The following TIMM21 variants were observed in gnomAD, a reference collection of about 807,000 sequenced individuals.
TIMM21 encodes translocase of inner mitochondrial membrane 21.
In TIMM21, 30 loss-of-function variants were observed where a neutral mutation model predicts 27.7. The observed-to-expected ratio is 1.08, with a 90% CI of 0.81 to 1.47. TIMM21 has a LOEUF of 1.47. TIMM21 is among the 40% of genes most tolerant of loss of function. TIMM21 has a pLI of 0.00. For missense variants in TIMM21, 292 were observed against 302.9 expected (o/e 0.96, Z 0.27); for synonymous variants, 121 against 114.4 (o/e 1.06, Z -0.37).
Position 74,151,919 on chromosome 18 carries a change from A to G in TIMM21, c.301+2810A>G, listed in dbSNP as rs890165897. ...GTGCCCTTGACACACCACCCTTAAG[A>G]AGCAGTGGTGTCTATGTTCCCCCCC... is the stretch of plus-strand genomic sequence containing the variant. On this transcript the variant is annotated intron_variant, in intron 1 of 5. Transcript: ENST00000169551. Among the ~76,000 whole-genome samples the G allele has an allele frequency of 5.5e-5, 8 of 144,156 alleles. 1 individual carries two copies. The highest frequency in any genetic ancestry group is 2.1e-4 in the Admixed American group (3 of 14,138). The allele number at this position is 144,156 out of a possible 152,430, so 94.6% of individuals were successfully genotyped here.
rs1979915817 is a variant in TIMM21, at chr18:74,155,157, G to C, written c.314G>C (p.Gly105Ala). The C allele has an allele frequency of 1.2e-6, 2 of 1,614,178 alleles. No individual in the cohort carries two copies. The highest frequency in any genetic ancestry group is 1.7e-6 in the Non-Finnish European group (2 of 1,180,030). ...VPTSQKVKEA[G>A]RDFTYLIVVL... is the part of the protein sequence containing the mutation. ...TTTCTCTTCACAGTGAAAGAAGCCG[G>C]AAGAGATTTTACCTATTTAATAGTG... The change falls in exon 2 of 6, where the codon GGA becomes GCA. Residue 105 changes from glycine to alanine, a missense_variant. Coordinates refer to ENST00000169551, the MANE Select transcript of TIMM21 (RefSeq NM_014177.3).
rs200969509 is a variant in TIMM21 at position 74,155,285 on chromosome 18, C to G, written c.365-21C>G. ...TTATGTTGCCCTTGCTTCGCTTCAT[C>G]TTTGTTTTCTGTGATTTCAGGTGGC... On this transcript the variant is annotated intron_variant, in intron 2 of 5. Transcript: ENST00000169551. 6.2e-6 allele frequency: 10 copies of G among 1,612,668 alleles called. No individual in the cohort carries two copies. The African/African-American group carries it at 1.2e-4, about 19-fold the overall frequency.
Position 74,160,186 on chromosome 18 carries a change from A to G in TIMM21, c.*1706A>G, listed in dbSNP as rs556259986. ...TCAAAAAAAAAAAAATTAACCAGGC[A>G]CGTTGACACACTCCTGTAATCTCAT... is the stretch of plus-strand genomic sequence containing the variant. On this transcript the variant is annotated 3_prime_UTR_variant, in exon 6 of 6. Coordinates refer to ENST00000169551, the MANE Select transcript of TIMM21 (RefSeq NM_014177.3). The G allele has an allele frequency of 3.1e-4, 47 of 152,032 alleles. No homozygotes were observed. Among genetic ancestry groups the G allele is most frequent in the African/African-American group, 1.1e-3 (46 of 41,474 alleles). 9.4% of individuals were successfully genotyped at this position (152,032 alleles called of 1,614,324 possible). A position where few individuals can be genotyped will look rare whatever the true frequency, so the allele number is the denominator to read the frequency against.
Position 74,155,282 on chromosome 18 carries a change from C to G in TIMM21, c.365-24C>G, listed in dbSNP as rs761310400. ...TTTTTATGTTGCCCTTGCTTCGCTT[C>G]ATCTTTGTTTTCTGTGATTTCAGGT... On this transcript the variant is annotated intron_variant, in intron 2 of 5. Transcript: ENST00000169551. 4 of 1,612,272 alleles carry G rather than the reference C, an allele frequency of 2.5e-6. No individual in the cohort carries two copies. The East Asian group carries it at 8.9e-5, about 36-fold the overall frequency.
Position 74,158,477 on chromosome 18 carries a change from T to G in TIMM21, c.744T>G (p.Asp248Glu). The G allele has an allele frequency of 2.1e-6, 3 of 1,401,082 alleles. No individual in the cohort carries two copies. The highest frequency in any genetic ancestry group is 2.9e-6 in the Non-Finnish European group (3 of 1,042,064). The allele number at this position is 1,401,082 out of a possible 1,614,324, so 86.8% of individuals were successfully genotyped here. The change falls in exon 6 of 6, where the codon GAT becomes GAG. Residue 248 changes from aspartate (D) to glutamate (E), a missense_variant. Transcript: ENST00000169551. Reference protein sequence around the residue: ...IIIEDNRSQDD With the variant: ...IIIEDNRSQDE Reference sequence around the variant, plus strand: ...TTGAAGATAATCGATCCCAAGATGATTAAAATAGGGTTTCTGATGGATGTT... The same window carrying G: ...TTGAAGATAATCGATCCCAAGATGAGTAAAATAGGGTTTCTGATGGATGTT...
In TIMM21 at chr18:74,148,539, G is replaced by A; in HGVS notation, c.-270G>A. 1 of 319,748 alleles carries A rather than the reference G, an allele frequency of 3.1e-6. No homozygotes were observed. The highest frequency in any genetic ancestry group is 4.4e-5 in the Admixed American group (1 of 22,566). The allele number at this position is 319,748 out of a possible 1,614,324, so 19.8% of individuals were successfully genotyped here. On this transcript the variant is annotated 5_prime_UTR_variant, in exon 1 of 6. Transcript: ENST00000169551. ...GGGTTTCCCAGGTGACTTTGCGAAG[G>A]CATGGCGGGGACACTGTGAATGTCA...
At chr18:74,153,085 C>T (rs1369385560) in intron 1 of TIMM21, among the ~76,000 whole-genome samples, 1 of 152,222 alleles carries the variant, frequency 6.6e-6, no homozygotes, top group Non-Finnish European at 1.5e-5. Context: ...CCCCATACCA[C>T]AGCACCCACT....
intron 1 of TIMM21, among the ~76,000 whole-genome samples, chr18:74,149,916 C>G (rs1226726469): frequency 6.6e-6 from 1 of 152,178 alleles, no homozygotes; most frequent in Non-Finnish European, 1.5e-5. Flanking sequence ...TCATCTGCAC[C>G]CCATTCAGAC....
rs765776082 is a variant in TIMM21 at position 74,158,158 on chromosome 18, GT to G, written c.537-9del. 3.1e-6 allele frequency: 5 copies of G among 1,613,914 alleles called. No individual in the cohort carries two copies. The highest frequency in any genetic ancestry group is 4.2e-6 in the Non-Finnish European group (5 of 1,179,878). ...TGAAAGGAACTTAGACTGATCTTTC[GT>G]TTTCTCGACAGGTTCACTGAATATG... is the stretch of plus-strand genomic sequence containing the variant. On this transcript the variant is annotated splice_polypyrimidine_tract_variant and intron_variant, in intron 4 of 5. Transcript: ENST00000169551.
chr18:74,155,511 C>CATA, intron 3 of TIMM21, 108 bp downstream of exon 3: 3 of 817,964 alleles, frequency 3.7e-6, no homozygotes, highest in Non-Finnish European at 5.8e-6. Context: ...GTGAAATTCA[C>CATA]ATAATAATAC....
rs545082000 is a variant in TIMM21, at chr18:74,148,612, A to G, written c.-197A>G. The G allele has an allele frequency of 1.9e-6, 1 of 531,560 alleles. No individual in the cohort carries two copies. The highest frequency in any genetic ancestry group is 3.2e-5 in the Admixed American group (1 of 31,538). 32.9% of individuals were successfully genotyped at this position (531,560 alleles called of 1,614,324 possible). A position where few individuals can be genotyped will look rare whatever the true frequency, so the allele number is the denominator to read the frequency against. On this transcript the variant is annotated 5_prime_UTR_variant, in exon 1 of 6. Transcript: ENST00000169551. ...GTTAATTAAAATGGAAAGAAGACAG[A>G]AGGGAAGGTAGACATCAGGTTCTCC...
intron 3 of TIMM21, chr18:74,157,769 T>C (rs1180765524): frequency 6.4e-6 from 3 of 466,116 alleles, no homozygotes; most frequent in Non-Finnish European, 1.1e-5. Flanking sequence ...CTGATTTTTA[T>C]ATTTTTTAGT....
chr18:74,158,103 T>G lies in TIMM21; in HGVS notation c.536+16T>G. 1 of 1,614,080 alleles carries G rather than the reference T, an allele frequency of 6.2e-7. No homozygotes were observed. Among genetic ancestry groups the G allele is most frequent in the Non-Finnish European group, 8.5e-7 (1 of 1,179,964 alleles). On this transcript the variant is annotated intron_variant, in intron 4 of 5. Coordinates refer to ENST00000169551, the MANE Select transcript of TIMM21 (RefSeq NM_014177.3). ...AGCATGTCAGGTACTGTGGCTTGAA[T>G]TCAGAGGAGGCTCTGGGGAGATTTT...
rs373060499 is a variant in TIMM21 at position 74,158,364 on chromosome 18, C to T, written c.643-12C>T. 19 of 1,605,100 alleles carry T rather than the reference C, an allele frequency of 1.2e-5. No homozygotes were observed. Among genetic ancestry groups the T allele is most frequent in the Non-Finnish European group, 1.4e-5 (17 of 1,174,032 alleles). ...AGGAAAATAATACCTGGAAACACTACATTTTTTTCAGAACCCAGGAAGTGG... is the reference window on the plus strand; with the variant it reads ...AGGAAAATAATACCTGGAAACACTATATTTTTTTCAGAACCCAGGAAGTGG... On this transcript the variant is annotated splice_polypyrimidine_tract_variant and intron_variant, in intron 5 of 5. Transcript: ENST00000169551.
rs1482842592 is a variant in TIMM21 at position 74,159,963 on chromosome 18, T to G, written c.*1483T>G. 6.6e-6 allele frequency: 1 copy of G among 152,216 alleles called. No homozygotes were observed. Among genetic ancestry groups the G allele is most frequent in the Admixed American group, 6.5e-5 (1 of 15,282 alleles). 9.4% of individuals were successfully genotyped at this position (152,216 alleles called of 1,614,324 possible). On this transcript the variant is annotated 3_prime_UTR_variant, in exon 6 of 6. Coordinates refer to ENST00000169551, the MANE Select transcript of TIMM21 (RefSeq NM_014177.3). ...CCCTGTCATTTGACTTAAGACTGTT[T>G]GCTTTTTCTGTATTCATTTTTATGC... is the stretch of plus-strand genomic sequence containing the variant.
intron 3 of TIMM21, 48 bp downstream of exon 3, chr18:74,155,451 A>G: frequency 2.0e-6 from 3 of 1,492,674 alleles, no homozygotes; most frequent in Non-Finnish European, 2.7e-6. Flanking sequence ...GGGGGAGAAA[A>G]TGTCTGGGAG....
At chr18:74,156,470 T>C in intron 3 of TIMM21, 1 of 394,342 alleles carries the variant, frequency 2.5e-6, no homozygotes, top group Non-Finnish European at 4.5e-6. Context: ...TTCATTGAGC[T>C]CTGGACAGCC....
intron 3 of TIMM21, 60 bp from the exon 4 acceptor site, chr18:74,157,954 A>G: frequency 1.3e-6 from 2 of 1,573,480 alleles, no homozygotes; most frequent in Non-Finnish European, 1.7e-6. Context: ...TTTGTTAAAA[A>G]TTATTTCTTT....
At chr18:74,154,301 G>A (rs566909688) in intron 1 of TIMM21, among the ~76,000 whole-genome samples, 4 of 140,312 alleles carry the variant, frequency 2.9e-5, no homozygotes, top group East Asian at 2.2e-4. Context: ...TCGCTCTTTC[G>A]CCCAGGCCGT....
Sources: allele counts gnomAD v4.1 joint callset (sites outside exome capture counted in the v4.1 genomes callset), GRCh38; gene constraint gnomAD v4.1.1; transcripts MANE v1.5; gene names NCBI Gene and HGNC (gene_info 2026-07-23, HGNC 2026-07-21).